Variants in CDH4 observed in about 807,000 individuals in gnomAD.
CDH4 encodes the protein cadherin 4.
In CDH4, 33 loss-of-function variants were observed where a neutral mutation model predicts 86.0. That is an observed-to-expected ratio of 0.38 (90% confidence interval 0.29 to 0.51). The LOEUF (loss-of-function observed/expected upper bound fraction) is 0.51. Ranked by LOEUF, CDH4 falls within the 20% of genes least tolerant of loss-of-function variation. The pLI is 0.86. For missense variants in CDH4, 1,114 were observed against 1,307.4 expected, an observed-to-expected ratio of 0.85 and a Z score of 2.28; for synonymous variants, 555 against 549.4, an observed-to-expected ratio of 1.01 and a Z score of -0.14.
At chr20:61,770,658 A>G (rs570546901) in intron 3 of CDH4, among the ~76,000 whole-genome samples, 1 of 152,274 alleles carries the variant, frequency 6.6e-6, no homozygotes, top group African/African-American at 2.4e-5. Context: ...CTGAGACGGG[A>G]GGATCACAAG....
chr20:61,288,372 C>A (rs781091587), intron 2 of CDH4, among the ~76,000 whole-genome samples: 3 of 152,166 alleles, frequency 2.0e-5, no homozygotes, highest in East Asian at 1.9e-4. Context: ...TGACAGCCAG[C>A]GTTCAAAGCG....
At chr20:61,332,510 T>C (rs1051866288) in intron 2 of CDH4, among the ~76,000 whole-genome samples, 5 of 152,216 alleles carry the variant, frequency 3.3e-5, no homozygotes, top group South Asian at 2.1e-4. Context: ...GTAGGGGGAT[T>C]CTTGGTGCAT....
intron 2 of CDH4, among the ~76,000 whole-genome samples, chr20:61,264,677 A>G (rs1388983510): frequency 9.8e-5 from 12 of 123,024 alleles, no homozygotes; most frequent in East Asian, 5.9e-4. Context: ...CCTTCATTCA[A>G]TCTTACACAT....
intron 2 of CDH4, among the ~76,000 whole-genome samples, chr20:61,426,952 G>A (rs1455025364): frequency 6.6e-6 from 1 of 152,182 alleles, no homozygotes; most frequent in African/African-American, 2.4e-5. Flanking sequence ...TTTTGTGATT[G>A]GGTACTGTGT....
At chr20:61,256,445 G>A (rs548746957) in intron 2 of CDH4, among the ~76,000 whole-genome samples, 60 of 152,310 alleles carry the variant, frequency 3.9e-4, no homozygotes, top group Middle Eastern at 3.4e-3. Context: ...ACAACGCAGC[G>A]TGAGATTTCA....
At chr20:61,616,468 G>C (rs948523579) in intron 2 of CDH4, among the ~76,000 whole-genome samples, 1 of 152,194 alleles carries the variant, frequency 6.6e-6, no homozygotes, top group Non-Finnish European at 1.5e-5. Context: ...CACCCTGTGG[G>C]AGTTGGGGAA....
At chr20:61,748,806 AAG>A (rs1382583792) in intron 3 of CDH4, among the ~76,000 whole-genome samples, 2 of 152,210 alleles carry the variant, frequency 1.3e-5, no homozygotes, top group Non-Finnish European at 2.9e-5. Flanking sequence ...AAATCACTAA[AAG>A]AGTCATAAAA....
At chr20:61,869,739 T>C (rs2146142733) in intron 6 of CDH4, among the ~76,000 whole-genome samples, 1 of 152,242 alleles carries the variant, frequency 6.6e-6, no homozygotes. Context: ...CTACATGAAA[T>C]CACACAGCAG....
At chr20:61,496,850 G>T (rs1426249910) in intron 2 of CDH4, among the ~76,000 whole-genome samples, 1 of 152,058 alleles carries the variant, frequency 6.6e-6, no homozygotes, top group Non-Finnish European at 1.5e-5. Context: ...TTCTTCCAAT[G>T]AAAATACTGC....
intron 2 of CDH4, among the ~76,000 whole-genome samples, chr20:61,375,044 T>C (rs1290637855): frequency 1.3e-5 from 2 of 152,202 alleles, no homozygotes; most frequent in African/African-American, 4.8e-5. Flanking sequence ...ACCAAACTAA[T>C]GTCTTTCTTC....
chr20:61,646,056 A>G (rs2087058042), intron 2 of CDH4, among the ~76,000 whole-genome samples: 1 of 152,136 alleles, frequency 6.6e-6, no homozygotes, highest in Admixed American at 6.5e-5. Flanking sequence ...TGAGCTCAGG[A>G]GAAATATTCT....
At chr20:61,309,577 G>A (rs1368845606) in intron 2 of CDH4, among the ~76,000 whole-genome samples, 1 of 152,112 alleles carries the variant, frequency 6.6e-6, no homozygotes, top group Non-Finnish European at 1.5e-5. Flanking sequence ...AAAAAAGGAG[G>A]GAAAAACTTA....
intron 2 of CDH4, among the ~76,000 whole-genome samples, chr20:61,473,234 G>C (rs1284453599): frequency 6.6e-6 from 1 of 152,158 alleles, no homozygotes; most frequent in Non-Finnish European, 1.5e-5. Flanking sequence ...ATTCTGAAGT[G>C]AGAAATTATG....
intron 6 of CDH4, among the ~76,000 whole-genome samples, chr20:61,870,638 T>G (rs1166183233): frequency 1.3e-5 from 2 of 152,000 alleles, no homozygotes; most frequent in African/African-American, 2.4e-5. Context: ...GGGCCACGGG[T>G]GGAGGGGAAC....
intron 2 of CDH4, among the ~76,000 whole-genome samples, chr20:61,299,341 C>CT (rs2084374110): frequency 1.3e-5 from 2 of 152,204 alleles, no homozygotes; most frequent in Admixed American, 1.3e-4. Flanking sequence ...GAGCACGGCC[C>CT]TGCAGACACT....
At chr20:61,575,363 A>G (rs1355833561) in intron 2 of CDH4, among the ~76,000 whole-genome samples, 3 of 152,220 alleles carry the variant, frequency 2.0e-5, no homozygotes, top group African/African-American at 2.4e-5. Flanking sequence ...TACGGGTTAC[A>G]CACAGCTCCA....
At chr20:61,271,483 C>T (rs752764763) in intron 2 of CDH4, among the ~76,000 whole-genome samples, 2 of 152,178 alleles carry the variant, frequency 1.3e-5, no homozygotes, top group African/African-American at 2.4e-5. Context: ...AGCGGGCTGT[C>T]TTTGTCATTT....
At chr20:61,847,553 G>A (rs918395633) in intron 5 of CDH4, among the ~76,000 whole-genome samples, 12 of 152,210 alleles carry the variant, frequency 7.9e-5, no homozygotes, top group East Asian at 1.9e-4. Flanking sequence ...GTAAACATGC[G>A]GTGTAAACAC....
At chr20:61,376,892 C>G (rs544265534) in intron 2 of CDH4, among the ~76,000 whole-genome samples, 67 of 152,328 alleles carry the variant, frequency 4.4e-4, no homozygotes, top group Middle Eastern at 3.4e-3. Flanking sequence ...GTGGCAAATG[C>G]CCTGATCTGA....
Sources: allele counts gnomAD v4.1 joint callset (sites outside exome capture counted in the v4.1 genomes callset), GRCh38; gene constraint gnomAD v4.1.1; transcripts MANE v1.5; gene names NCBI Gene and HGNC (gene_info 2026-07-23, HGNC 2026-07-21).